CCDC187: variants seen among roughly 807,000 people sequenced by gnomAD.
CCDC187 encodes the protein coiled-coil domain containing 187.
In CCDC187, 32 loss-of-function variants were observed where a neutral mutation model predicts 38.0. The ratio of observed to expected loss-of-function variants is 0.84; its 90% CI spans 0.64 to 1.13. The LOEUF (loss-of-function observed/expected upper bound fraction) is 1.13, where lower values mean the gene tolerates loss of function less well. Among genes scored for constraint, CCDC187 ranks in the 50% most tolerant of loss-of-function variants. CCDC187 has a pLI of 0.00. For synonymous variants in CCDC187, 333 were observed against 347.9 expected, an observed-to-expected ratio of 0.96 and a Z score of 0.48; for missense variants, 707 against 786.8, an observed-to-expected ratio of 0.90 and a Z score of 1.21.
chr9:136,262,185 G>T, intron 19 of CCDC187, 126 bp downstream of exon 19: 1 of 858,810 alleles, frequency 1.2e-6, no homozygotes, highest in Non-Finnish European at 1.4e-6. Context: ...GATGCCCAGG[G>T]CTACACGTGC....
At position 136,251,022 on chromosome 9, in the gene CCDC187, A is replaced by G. The variant is rs1233517970; in HGVS notation, c.*2572T>C. 3 of 456,058 alleles carry G rather than the reference A, an allele frequency of 6.6e-6. No individual in the cohort carries two copies. Among genetic ancestry groups the G allele is most frequent in the Non-Finnish European group, 8.8e-6 (2 of 226,894 alleles). 28.3% of individuals were successfully genotyped at this position (456,058 alleles called of 1,614,324 possible). Reference sequence around the variant, plus strand: ...AGGGCTTTGCCACGCCAGCTTTGTGATGCCTCCCACCAGACTGCATGCATA... The same window carrying G: ...AGGGCTTTGCCACGCCAGCTTTGTGGTGCCTCCCACCAGACTGCATGCATA... On this transcript the variant is annotated 3_prime_UTR_variant, in exon 26 of 26. Transcript: ENST00000638797.
At chr9:136,293,114 CACACTCACAA>C (rs1470085254) in intron 4 of CCDC187, among the ~76,000 whole-genome samples, 1 of 147,118 alleles carries the variant, frequency 6.8e-6, no homozygotes, top group Non-Finnish European at 1.5e-5. Context: ...ACATTGCTCA[CACACTCACAA>C]ACACTCACAT....
At chr9:136,259,660 C>T (rs1554760757) in intron 20 of CCDC187, among the ~76,000 whole-genome samples, 1 of 152,202 alleles carries the variant, frequency 6.6e-6, no homozygotes, top group Non-Finnish European at 1.5e-5. Flanking sequence ...TGCTCAGCCC[C>T]AGCCTGGGAA....
intron 4 of CCDC187, among the ~76,000 whole-genome samples, chr9:136,293,116 C>T (rs1015420100): frequency 1.8e-4 from 27 of 146,736 alleles, no homozygotes; most frequent in Non-Finnish European, 2.7e-4. Flanking sequence ...ATTGCTCACA[C>T]ACTCACAAAC....
In CCDC187 at chr9:136,269,873, G is replaced by GTA. The variant is rs548556119; in HGVS notation, c.3443-1750_3443-1749dup. ...TCTATCGCATATGTTAAGATGTTAAGTAGAGCCACAGAGGATATAAAACGA... is the reference window on the plus strand; with the variant it reads ...TCTATCGCATATGTTAAGATGTTAAGTATAGAGCCACAGAGGATATAAAACGA... On this transcript the variant is annotated intron_variant, in intron 14 of 25. Coordinates refer to ENST00000638797, the MANE Select transcript of CCDC187 (RefSeq NM_001378188.1). Among the ~76,000 whole-genome samples the GTA allele has an allele frequency of 2.8e-4, 42 of 152,316 alleles. No individual in the cohort carries two copies. In the South Asian group the frequency reaches 7.3e-3, roughly 26 times the overall value.
At chr9:136,296,479 C>A (rs1831537481) in intron 4 of CCDC187, 1 of 152,238 alleles carries the variant, frequency 6.6e-6, no homozygotes, top group African/African-American at 2.4e-5. Flanking sequence ...GGCTCTGCCT[C>A]TGTGCAGCCC....
chr9:136,260,561 A>C (rs1405890042), intron 19 of CCDC187, among the ~76,000 whole-genome samples: 1 of 148,800 alleles, frequency 6.7e-6, no homozygotes, highest in Admixed American at 6.7e-5. Context: ...GTGCCACCCC[A>C]GGCCTGCACT....
chr9:136,258,955 C>T lies in CCDC187; in HGVS notation c.4343G>A (p.Arg1448Gln), dbSNP rs1235128948. The T allele has an allele frequency of 6.1e-6, 6 of 985,622 alleles. No homozygotes were observed. The highest frequency in any genetic ancestry group is 1.1e-4 in the East Asian group (1 of 8,796). The allele number at this position is 985,622 out of a possible 1,614,324, so 61.1% of individuals were successfully genotyped here. A position where few individuals can be genotyped will look rare whatever the true frequency, so the allele number is the denominator to read the frequency against. ...ACCTGGGGGTGGCTCCTTCACCTCC[C>T]GAGACCTGCACTGAGCTGTGGGGAG... is the stretch of plus-strand genomic sequence containing the variant. Reference protein sequence around the residue: ...GRLPTAQCRSREVKEPPPGDP... With the variant: ...GRLPTAQCRSQEVKEPPPGDP... The change falls in exon 22 of 26, where the codon CGG becomes CAG. Residue 1448 changes from arginine (R) to glutamine (Q), a missense_variant. Coordinates refer to ENST00000638797, the MANE Select transcript of CCDC187 (RefSeq NM_001378188.1). This position sits in a 1 kb window ranked among gnomAD's most constrained non-coding sequence, Gnocchi z 4.3.
Position 136,258,120 on chromosome 9 carries a change from C to T in CCDC187, c.4366+812G>A, listed in dbSNP as rs1447625204. Among the ~76,000 whole-genome samples the T allele has an allele frequency of 1.3e-5, 2 of 152,128 alleles. No individual in the cohort carries two copies. The highest frequency in any genetic ancestry group is 2.4e-5 in the African/African-American group (1 of 41,420). ...CGCAGAAGCCTGAACAGCGCAGGCC[C>T]GGAGGTGACGCGGGACACAGAGGGA... On this transcript the variant is annotated intron_variant, in intron 22 of 25. Transcript: ENST00000638797. This position sits in a 1 kb window ranked among gnomAD's most constrained non-coding sequence, Gnocchi z 4.3.
chr9:136,259,893 C>T (rs1159836968), intron 20 of CCDC187, among the ~76,000 whole-genome samples: 1 of 152,220 alleles, frequency 6.6e-6, no homozygotes, highest in Non-Finnish European at 1.5e-5. Flanking sequence ...CTTGGGAATG[C>T]TGGCTGCCAG....
intron 1 of CCDC187, 25 bp from the exon 2 acceptor site, chr9:136,303,318 G>A (rs967713869): frequency 5.3e-5 from 21 of 396,954 alleles, no homozygotes; most frequent in Admixed American, 1.8e-4. Context: ...CAGACATGCC[G>A]GTCAGACATG....
rs1384787465 is a variant in CCDC187, at chr9:136,258,528, G to A, written c.4366+404C>T. Among the ~76,000 whole-genome samples the A allele has an allele frequency of 6.6e-6, 1 of 151,938 alleles. No homozygotes were observed. The highest frequency in any genetic ancestry group is 2.4e-5 in the African/African-American group (1 of 41,438). On this transcript the variant is annotated intron_variant, in intron 22 of 25. Coordinates refer to ENST00000638797, the MANE Select transcript of CCDC187 (RefSeq NM_001378188.1). This position sits in a 1 kb window ranked among gnomAD's most constrained non-coding sequence, Gnocchi z 4.3. ...TGCTCCCGCCCCACCTGCAAATTGG[G>A]GACTTGGCTCTCGGGGGGGGCCCCG...
At chr9:136,272,441 G>A (rs367815783) in intron 14 of CCDC187, among the ~76,000 whole-genome samples, 19 of 152,010 alleles carry the variant, frequency 1.2e-4, no homozygotes, top group Admixed American at 5.2e-4. Context: ...GGTGGCTCAC[G>A]CCTGTAATCC....
rs1479910942 is a variant in CCDC187 at position 136,300,226 on chromosome 9, C to G, written c.718G>C (p.Val240Leu). Residue 240 changes from valine (V) to leucine (L), a missense_variant, in exon 3 of 26, where the codon GTT (valine) becomes CTT (leucine). Physicochemically the swap from Val to Leu is conservative, Grantham distance 32. Coordinates refer to ENST00000638797, the MANE Select transcript of CCDC187 (RefSeq NM_001378188.1). ...CCGCCGCAGAGCCGCTCACCAGGAA[C>G]CTGGTGCTGGGAGACCCTGGAGAGC... ...RELSRVSQHQ[V>L]PVLREKPKRV... 1 of 398,730 alleles carries G rather than the reference C, an allele frequency of 2.5e-6. No homozygotes were observed. Among genetic ancestry groups the G allele is most frequent in the East Asian group, 3.6e-5 (1 of 28,076 alleles). 24.7% of individuals were successfully genotyped at this position (398,730 alleles called of 1,614,324 possible).
chr9:136,297,277 C>CGTGAGCTGCGGGTGGT (rs1353787859), intron 4 of CCDC187, among the ~76,000 whole-genome samples: 181 of 150,770 alleles, frequency 1.2e-3, no homozygotes, highest in African/African-American at 4.0e-3. Flanking sequence ...CTACGGGTGC[C>CGTGAGCTGCGGGTGGT]GTGAGCTGCG....
chr9:136,300,160 C>A, intron 3 of CCDC187, 60 bp downstream of exon 3: 1 of 398,154 alleles, frequency 2.5e-6, no homozygotes, highest in Non-Finnish European at 4.4e-6. Flanking sequence ...ATGTGCTGCC[C>A]CCATCATGGC....
At chr9:136,304,791 C>T (rs946488650), upstream of CCDC187, among the ~76,000 whole-genome samples, 3 of 152,230 alleles carry the variant, frequency 2.0e-5, no homozygotes, top group African/African-American at 4.8e-5. Flanking sequence ...GGCAGTGGCA[C>T]GGAGCTGCGA....
At chr9:136,302,364 G>A (rs1312308079) in intron 2 of CCDC187, among the ~76,000 whole-genome samples, 2 of 140,358 alleles carry the variant, frequency 1.4e-5, no homozygotes, top group Admixed American at 7.3e-5. Context: ...ACCCTTCCAA[G>A]GACAAGACCC....
chr9:136,301,586 C>CTTTT (rs1207423796), intron 2 of CCDC187, among the ~76,000 whole-genome samples: 5 of 126,552 alleles, frequency 4.0e-5, no homozygotes, highest in Non-Finnish European at 4.8e-5. Context: ...GCATACGTTA[C>CTTTT]TTTTTTTTTT....
Sources: gnomAD v4.1 joint callset for allele counts (sites outside exome capture counted in the v4.1 genomes callset) on GRCh38, gnomAD v4.1.1 for gene constraint, Gnocchi (gnomAD v3.1) non-coding constraint, MANE v1.5 for transcripts, NCBI Gene and HGNC (gene_info 2026-07-23, HGNC 2026-07-21) for gene names.